Variants in UGT1A8 observed in about 807,000 individuals in gnomAD.
The protein encoded by UGT1A8 is UDP-glucuronosyltransferase 1A8.
Under a neutral mutation model 45.3 loss-of-function variants are expected in UGT1A8, and 39 were observed. That is an observed-to-expected ratio of 0.86 (90% CI 0.67 to 1.12). The LOEUF (loss-of-function observed/expected upper bound fraction) is 1.12. UGT1A8 is among the 50% of genes most tolerant of loss of function. UGT1A8 has a pLI of 0.00. For missense variants in UGT1A8, 719 were observed against 664.9 expected, an observed-to-expected ratio of 1.08 and a Z score of -0.90; for synonymous variants, 275 against 249.2, an observed-to-expected ratio of 1.10 and a Z score of -0.97.
At chr2:233,637,867 G>T (rs2073342711) in intron 1 of UGT1A8, among the ~76,000 whole-genome samples, 1 of 152,014 alleles carries the variant, frequency 6.6e-6, no homozygotes. Flanking sequence ...TAAATTATGG[G>T]TACCTTTATA....
At position 233,637,189 on chromosome 2, in the gene UGT1A8, C is replaced by G. The variant is rs752071302; in HGVS notation, c.855+18627C>G. 6 of 1,613,918 alleles carry G rather than the reference C, an allele frequency of 3.7e-6. No individual in the cohort carries two copies. The Admixed American group carries it at 6.7e-5, about 18-fold the overall frequency. On this transcript the variant is annotated intron_variant, in intron 1 of 4. Coordinates refer to ENST00000373450, the MANE Select transcript of UGT1A8 (RefSeq NM_019076.5). ...GGAGGACCATTTATTTTGCCAGTAT[C>G]TTTTTAGAAATGCCCTAGAAATAGC...
chr2:233,746,072 G>A (rs1693292846), intron 1 of UGT1A8, among the ~76,000 whole-genome samples: 2 of 151,808 alleles, frequency 1.3e-5, no homozygotes, highest in Admixed American at 6.6e-5. Flanking sequence ...AAAGAGAAGA[G>A]GAGTCACTTC....
At chr2:233,636,343 G>T in intron 1 of UGT1A8, 1 of 1,123,624 alleles carries the variant, frequency 8.9e-7, no homozygotes, top group Non-Finnish European at 1.2e-6. Flanking sequence ...CTCAGCAAAT[G>T]ATACTCGTGT....
chr2:233,757,680 A>G (rs1575754544), intron 1 of UGT1A8, among the ~76,000 whole-genome samples: 1 of 151,598 alleles, frequency 6.6e-6, no homozygotes, highest in South Asian at 2.1e-4. Context: ...AAGGAATTCA[A>G]GGGATTCAAG....
chr2:233,696,904 A>G (rs774009523), intron 1 of UGT1A8, among the ~76,000 whole-genome samples: 9 of 152,174 alleles, frequency 5.9e-5, no homozygotes, highest in African/African-American at 1.9e-4. Flanking sequence ...AATTCTGTCA[A>G]TGTATTCATA....
chr2:233,619,769 C>T (rs2072967268), intron 1 of UGT1A8, among the ~76,000 whole-genome samples: 1 of 152,030 alleles, frequency 6.6e-6, no homozygotes, highest in Admixed American at 6.6e-5. Context: ...ACTAACTTTT[C>T]TTATTATTTT....
intron 1 of UGT1A8, among the ~76,000 whole-genome samples, chr2:233,697,004 C>T (rs761877638): frequency 1.3e-5 from 2 of 151,910 alleles, no homozygotes; most frequent in Non-Finnish European, 2.9e-5. Flanking sequence ...ATTTTTGCAT[C>T]TATGTTCGTC....
At chr2:233,749,028 G>A (rs564218690) in intron 1 of UGT1A8, among the ~76,000 whole-genome samples, 2 of 151,604 alleles carry the variant, frequency 1.3e-5, no homozygotes, top group Non-Finnish European at 2.9e-5. Flanking sequence ...AATATTTGGG[G>A]TTCATTGATG....
chr2:233,639,494 A>G (rs1360557945), intron 1 of UGT1A8, among the ~76,000 whole-genome samples: 2 of 152,216 alleles, frequency 1.3e-5, no homozygotes, highest in African/African-American at 4.8e-5. Flanking sequence ...TGGGAAAAGC[A>G]TGCAGTTGGT....
intron 1 of UGT1A8, among the ~76,000 whole-genome samples, chr2:233,746,994 GT>G (rs1693533640): frequency 6.6e-6 from 1 of 151,864 alleles, no homozygotes; most frequent in South Asian, 2.1e-4. Flanking sequence ...GGTCAGATGA[GT>G]TTTTCAAGTA....
intron 1 of UGT1A8, among the ~76,000 whole-genome samples, chr2:233,676,487 G>C (rs986266023): frequency 6.6e-6 from 1 of 152,174 alleles, no homozygotes; most frequent in African/African-American, 2.4e-5. Context: ...GACGCATAAT[G>C]ATGAGCTAAA....
Position 233,703,642 on chromosome 2 carries a change from A to G in UGT1A8, c.856-63392A>G, listed in dbSNP as rs548385935. 7.9e-5 allele frequency among the ~76,000 whole-genome samples: 12 copies of G among 152,246 alleles called. No individual in the cohort carries two copies. In the South Asian group the frequency reaches 2.5e-3, roughly 32 times the overall value. On this transcript the variant is annotated intron_variant, in intron 1 of 4. Transcript: ENST00000373450. ...TATTTTATCTGATATTAGTATAACCAATCTGCATTTCTTTTGGTTGCTGTT... is the reference window on the plus strand; with the variant it reads ...TATTTTATCTGATATTAGTATAACCGATCTGCATTTCTTTTGGTTGCTGTT...
At chr2:233,688,515 C>T (rs953054685) in intron 1 of UGT1A8, among the ~76,000 whole-genome samples, 4 of 152,002 alleles carry the variant, frequency 2.6e-5, no homozygotes, top group Admixed American at 6.6e-5. Flanking sequence ...CAGTGAAATG[C>T]GCCTAGAGTG....
At chr2:233,756,509 C>G (rs138449392) in intron 1 of UGT1A8, among the ~76,000 whole-genome samples, 3,057 of 152,098 alleles carry the variant, frequency 0.02, 61 homozygotes, top group Non-Finnish European at 0.029. Context: ...TATGGAGGGT[C>G]AAATGTGCAT....
intron 1 of UGT1A8, chr2:233,760,883 C>T (rs550460320): frequency 1.9e-6 from 3 of 1,614,168 alleles, no homozygotes; most frequent in South Asian, 2.2e-5. Context: ...CCTCTCTCCT[C>T]TCATTCAGAT....
At chr2:233,623,452 G>C (rs889665071) in intron 1 of UGT1A8, among the ~76,000 whole-genome samples, 1 of 152,146 alleles carries the variant, frequency 6.6e-6, no homozygotes, top group Non-Finnish European at 1.5e-5. Flanking sequence ...TCCTTTGTAA[G>C]TTGGATTCCT....
intron 1 of UGT1A8, among the ~76,000 whole-genome samples, chr2:233,681,200 A>C (rs1396853022): frequency 6.6e-6 from 1 of 151,938 alleles, no homozygotes; most frequent in Non-Finnish European, 1.5e-5. Flanking sequence ...CGAACATGAG[A>C]TGCCAATTTC....
At chr2:233,733,708 A>C (rs1332027237) in intron 1 of UGT1A8, among the ~76,000 whole-genome samples, 1 of 152,236 alleles carries the variant, frequency 6.6e-6, no homozygotes, top group Middle Eastern at 3.2e-3. Flanking sequence ...TTTGGTTTGC[A>C]GAATTTTACT....
intron 1 of UGT1A8, chr2:233,693,323 G>T: frequency 3.1e-6 from 5 of 1,614,140 alleles, no homozygotes; most frequent in Non-Finnish European, 4.2e-6. Context: ...ATTCCTAACT[G>T]CTCCTCAGAC....
Sources: gnomAD v4.1 joint callset for allele counts (sites outside exome capture counted in the v4.1 genomes callset) on GRCh38, gnomAD v4.1.1 for gene constraint, MANE v1.5 for transcripts, NCBI Gene and HGNC (gene_info 2026-07-23, HGNC 2026-07-21) for gene names.